CECR2: variants seen among roughly 807,000 people sequenced by gnomAD.
CECR2 encodes the protein chromatin remodeling regulator CECR2.
In CECR2, 30 loss-of-function variants were observed where a neutral mutation model predicts 154.5. The ratio of observed to expected loss-of-function variants is 0.19; its 90% CI spans 0.15 to 0.26. The LOEUF is 0.26. Among genes scored for constraint, CECR2 ranks in the 10% least tolerant of loss-of-function variants. The probability of loss-of-function intolerance (pLI) is 1.00; values close to 1 mark genes in which losing one functional copy is unlikely to be tolerated. For missense variants in CECR2, 1,743 were observed against 1,829.3 expected, an observed-to-expected ratio of 0.95 and a Z score of 0.86; for synonymous variants, 725 against 683.7, an observed-to-expected ratio of 1.06 and a Z score of -0.94.
In CECR2 at chr22:17,447,033, C is replaced by CTGGTTTTTTT. The variant is rs1339121774; in HGVS notation, c.127-30554_127-30553insGGTTTTTTTT. Among the ~76,000 whole-genome samples the CTGGTTTTTTT allele has an allele frequency of 2.6e-5, 3 of 114,104 alleles. 1 individual carries two copies. The highest frequency in any genetic ancestry group is 1.1e-4 in the African/African-American group (3 of 26,696). The allele number at this position is 114,104 out of a possible 152,430, so 74.9% of individuals were successfully genotyped here. A position where few individuals can be genotyped will look rare whatever the true frequency, so the allele number is the denominator to read the frequency against. ...GAGTGCTGAGTGGTGCGTTTACAAT[C>CTGGTTTTTTT]TTTTTTTTTTTTTTTTTTTGAGACA... On this transcript the variant is annotated intron_variant, in intron 1 of 18. Transcript: ENST00000262608.
intron 1 of CECR2, among the ~76,000 whole-genome samples, chr22:17,403,955 G>A (rs2053934789): frequency 6.6e-6 from 1 of 151,924 alleles, no homozygotes; most frequent in South Asian, 2.1e-4. Context: ...GTGTTTAGTA[G>A]CATTTGTAGA....
At chr22:17,519,302 T>G (rs569412319) in intron 8 of CECR2, among the ~76,000 whole-genome samples, 53 of 151,124 alleles carry the variant, frequency 3.5e-4, no homozygotes, top group South Asian at 1.3e-3. Context: ...GTTTTTTTTT[T>G]TTTTTTTGAG....
intron 1 of CECR2, among the ~76,000 whole-genome samples, chr22:17,401,557 T>C (rs1205490543): frequency 1.3e-5 from 2 of 152,160 alleles, no homozygotes; most frequent in African/African-American, 4.8e-5. Flanking sequence ...CCTAGACTTT[T>C]ACATGAGATA....
intron 2 of CECR2, among the ~76,000 whole-genome samples, chr22:17,491,165 C>T (rs1027529729): frequency 1.3e-5 from 2 of 152,066 alleles, no homozygotes; most frequent in South Asian, 2.1e-4. Flanking sequence ...GGAATTCTGC[C>T]GCTTTGAACA....
chr22:17,445,847 CCTCCCAAAGTG>C (rs2054653655), intron 1 of CECR2, among the ~76,000 whole-genome samples: 1 of 152,112 alleles, frequency 6.6e-6, no homozygotes, highest in Non-Finnish European at 1.5e-5. Context: ...CCTGCCTCAG[CCTCCCAAAGTG>C]CTGGGACCCT....
rs766399595 is a variant in CECR2, at chr22:17,542,498, C to T, written c.2355C>T (p.Pro785=). ...NGNHGATNQG[P]LGPDEKPHLG... ...ACCATGGTGCTACGAACCAAGGACC[C>T]TTGGGCCCAGATGAGAAGCCCCACC... is the stretch of plus-strand genomic sequence containing the variant. Residue 785 remains proline, a synonymous_variant, in exon 16 of 19, where the codon CCC becomes CCT. Coordinates refer to ENST00000262608, the MANE Select transcript of CECR2 (RefSeq NM_001290047.2). 2.2e-4 allele frequency: 350 copies of T among 1,613,882 alleles called. 4 individuals are homozygous for T. In the East Asian group the frequency reaches 7.8e-3, roughly 36 times the overall value.
Position 17,549,080 on chromosome 22 carries a change from G to C in CECR2, c.3793G>C (p.Val1265Leu). 1.2e-6 allele frequency: 2 copies of C among 1,614,044 alleles called. No individual in the cohort carries two copies. Among genetic ancestry groups the C allele is most frequent in the Non-Finnish European group, 1.7e-6 (2 of 1,179,894 alleles). Residue 1265 changes from valine (V) to leucine (L), a missense_variant, in exon 17 of 19, where the codon GTG (valine) becomes CTG (leucine). Val to Leu is a conservative substitution (Grantham distance 32, BLOSUM62 1). Transcript: ENST00000262608. Reference protein sequence around the residue: ...ALTSPTRMDAVAAKVPNDGQN... With the variant: ...ALTSPTRMDALAAKVPNDGQN... ...AACTTCTCCAACCCGTATGGATGCA[G>C]TGGCTGCTAAAGTCCCAAATGACGG...
At chr22:17,398,009 T>C (rs1160127475) in intron 1 of CECR2, among the ~76,000 whole-genome samples, 1 of 152,144 alleles carries the variant, frequency 6.6e-6, no homozygotes, top group African/African-American at 2.4e-5. Context: ...TCTGTACTCT[T>C]AGCTTGCATG....
intron 1 of CECR2, chr22:17,419,750 A>T (rs2054216888): frequency 4.8e-6 from 1 of 208,220 alleles, no homozygotes; most frequent in Non-Finnish European, 9.5e-6. Flanking sequence ...AAGATGACAT[A>T]GGTTTGTAAA....
chr22:17,455,540 C>T (rs961458428), intron 1 of CECR2, among the ~76,000 whole-genome samples: 1 of 152,208 alleles, frequency 6.6e-6, no homozygotes, highest in African/African-American at 2.4e-5. Context: ...GTCTTTCTTG[C>T]ATATGGCTTG....
intron 2 of CECR2, among the ~76,000 whole-genome samples, chr22:17,479,290 T>A (rs565621265): frequency 6.6e-6 from 1 of 152,232 alleles, no homozygotes; most frequent in African/African-American, 2.4e-5. Context: ...TGCGTGAGAG[T>A]GTCTGCTTGG....
At chr22:17,506,453 A>G (rs1288519671) in intron 7 of CECR2, among the ~76,000 whole-genome samples, 1 of 151,974 alleles carries the variant, frequency 6.6e-6, no homozygotes, top group Non-Finnish European at 1.5e-5. Context: ...ACCCATTTAA[A>G]TACTACTCTC....
rs771249385 is a variant in CECR2, at chr22:17,540,428, T to C, written c.1512T>C (p.Ser504=). The change falls in exon 14 of 19, where the codon TCT becomes TCC. Residue 504 remains serine, a synonymous_variant. Transcript: ENST00000262608. ...TTCCTATAGAGTATACCAAGATGTC[T>C]GATAATTTAGAGAGGTGTTTCCATC... is the stretch of plus-strand genomic sequence containing the variant. ...NGESSEYTKM[S]DNLERCFHRA... 3.9e-6 allele frequency: 6 copies of C among 1,550,600 alleles called. No individual in the cohort carries two copies. In the Admixed American group the frequency reaches 1.2e-4, roughly 30 times the overall value.
At chr22:17,443,183 A>C (rs902612376) in intron 1 of CECR2, among the ~76,000 whole-genome samples, 1 of 152,114 alleles carries the variant, frequency 6.6e-6, no homozygotes, top group African/African-American at 2.4e-5. Flanking sequence ...AAATCCTTAA[A>C]TCCATAATGC....
rs1454551866 is a variant in CECR2 at position 17,556,057 on chromosome 22, GA to G, written c.*3220del. On this transcript the variant is annotated 3_prime_UTR_variant, in exon 19 of 19. Transcript: ENST00000262608. ...TAAAAGGTAGCAGGAGCTATTGGCT[GA>G]AATTTGTTACAGTGAATGAATGTGG... 2.0e-5 allele frequency: 3 copies of G among 152,188 alleles called. No individual in the cohort carries two copies. Among genetic ancestry groups the G allele is most frequent in the African/African-American group, 7.2e-5 (3 of 41,446 alleles). The allele number at this position is 152,188 out of a possible 1,614,324, so 9.4% of individuals were successfully genotyped here.
At chr22:17,482,534 G>C (rs539767591) in intron 2 of CECR2, among the ~76,000 whole-genome samples, 17 of 152,122 alleles carry the variant, frequency 1.1e-4, no homozygotes, top group African/African-American at 3.9e-4. Context: ...ATTCCTTCTA[G>C]TTTTGTTTAG....
intron 16 of CECR2, among the ~76,000 whole-genome samples, chr22:17,545,985 G>A (rs948840196): frequency 6.6e-6 from 1 of 151,914 alleles, no homozygotes; most frequent in Non-Finnish European, 1.5e-5. Flanking sequence ...CCTGGAGTTC[G>A]AGGTTTCAGT....
intron 1 of CECR2, among the ~76,000 whole-genome samples, chr22:17,450,120 C>T (rs114371280): frequency 8.1e-4 from 123 of 152,210 alleles, no homozygotes; most frequent in African/African-American, 2.8e-3. Context: ...TTGAACTTGC[C>T]CTTTTAGCCT....
chr22:17,446,944 C>G (rs1459932325), intron 1 of CECR2, among the ~76,000 whole-genome samples: 1 of 151,528 alleles, frequency 6.6e-6, no homozygotes, highest in Non-Finnish European at 1.5e-5. Context: ...CATTTTTACA[C>G]AGTGCTGATT....
Sources: allele counts gnomAD v4.1 joint callset (sites outside exome capture counted in the v4.1 genomes callset), GRCh38; gene constraint gnomAD v4.1.1; transcripts MANE v1.5; gene names NCBI Gene and HGNC (gene_info 2026-07-23, HGNC 2026-07-21).